The following SLC13A3 variants were observed in gnomAD, a reference collection of about 807,000 sequenced individuals.
SLC13A3 encodes the protein Na(+)/dicarboxylate cotransporter 3.
In SLC13A3, 40 loss-of-function variants were observed where a neutral mutation model predicts 59.0. That is an observed-to-expected ratio of 0.68 (90% CI 0.53 to 0.88). The LOEUF is 0.88. SLC13A3 is among the 40% of genes least tolerant of loss of function. SLC13A3 has a pLI of 0.00. For synonymous variants in SLC13A3, 317 were observed against 330.3 expected (o/e 0.96, Z 0.44); for missense variants, 699 against 783.2 (o/e 0.89, Z 1.28).
Position 46,589,165 on chromosome 20 carries a change from G to A in SLC13A3, c.1011C>T (p.Pro337=), listed in dbSNP as rs1019299997. Residue 337 remains proline, a synonymous_variant, in exon 7 of 13, where the codon CCC becomes CCT. Coordinates refer to ENST00000279027, the MANE Select transcript of SLC13A3 (RefSeq NM_022829.6). ...ACCCAAGGGCCCCCACATACTTGAT[G>A]GGCCCCAGGTTCTGGTATTCTTCCC... is the stretch of plus-strand genomic sequence containing the variant. ...VIREEYQNLG[P]IKFAEQAVFI... is the part of the protein sequence containing the mutation. The A allele has an allele frequency of 3.1e-6, 5 of 1,613,830 alleles. No homozygotes were observed. Among genetic ancestry groups the A allele is most frequent in the Admixed American group, 1.7e-5 (1 of 60,000 alleles).
At chr20:46,659,718 C>CG (rs942977438) in intron 1 of SLC13A3, among the ~76,000 whole-genome samples, 1 of 148,604 alleles carries the variant, frequency 6.7e-6, no homozygotes, top group African/African-American at 2.5e-5. Context: ...CCTATCCCCC[C>CG]CCCCCAAAAA....
chr20:46,643,724 A>G (rs2062867846), intron 1 of SLC13A3, among the ~76,000 whole-genome samples: 1 of 152,308 alleles, frequency 6.6e-6, no homozygotes, highest in Admixed American at 6.5e-5. Flanking sequence ...AGCTGTCAAG[A>G]GATTAAATGA....
At chr20:46,597,218 C>T (rs2062322563) in intron 4 of SLC13A3, among the ~76,000 whole-genome samples, 2 of 151,638 alleles carry the variant, frequency 1.3e-5, no homozygotes, top group African/African-American at 4.8e-5. Flanking sequence ...TTTTCTTGTA[C>T]AGTTAAAGAG....
chr20:46,641,881 T>C (rs1332353546), intron 1 of SLC13A3, among the ~76,000 whole-genome samples: 2 of 152,160 alleles, frequency 1.3e-5, no homozygotes, highest in African/African-American at 2.4e-5. Context: ...CTACCACCTC[T>C]TTTTGAGGGA....
chr20:46,597,875 A>G (rs1018466524), intron 4 of SLC13A3, among the ~76,000 whole-genome samples: 3 of 152,248 alleles, frequency 2.0e-5, no homozygotes, highest in African/African-American at 7.2e-5. Context: ...ATGCAATTGT[A>G]AATTGTTTCT....
chr20:46,642,536 A>C (rs964743438), intron 1 of SLC13A3, among the ~76,000 whole-genome samples: 7 of 152,164 alleles, frequency 4.6e-5, no homozygotes, highest in African/African-American at 1.7e-4. Context: ...GGAAGTCTGC[A>C]TCTAGAGTTG....
intron 1 of SLC13A3, among the ~76,000 whole-genome samples, chr20:46,645,220 C>T (rs571652321): frequency 2.0e-5 from 3 of 152,320 alleles, no homozygotes; most frequent in South Asian, 2.1e-4. Flanking sequence ...CTCAGAAAGC[C>T]GCCTGTGGAT....
rs574702727 is a variant in SLC13A3 at position 46,558,417 on chromosome 20, A to G, written c.*1605T>C. On this transcript the variant is annotated 3_prime_UTR_variant, in exon 13 of 13. Transcript: ENST00000279027. ...ATGTTCAGAAAGGCAAATCATCTCC[A>G]GGTCCAAAGTTGATTAACATTCTTT... is the stretch of plus-strand genomic sequence containing the variant. The G allele has an allele frequency of 3.3e-5, 5 of 152,366 alleles. No homozygotes were observed. The South Asian group carries it at 1.0e-3, about 32-fold the overall frequency. 9.4% of individuals were successfully genotyped at this position (152,366 alleles called of 1,614,324 possible).
intron 3 of SLC13A3, among the ~76,000 whole-genome samples, chr20:46,601,650 C>T (rs1744803336): frequency 6.6e-6 from 1 of 152,188 alleles, no homozygotes; most frequent in South Asian, 2.1e-4. Context: ...GGGAAGGAGC[C>T]AGGCATCCTG....
chr20:46,581,091 G>C (rs547922099), intron 9 of SLC13A3, among the ~76,000 whole-genome samples: 7 of 152,372 alleles, frequency 4.6e-5, no homozygotes, highest in African/African-American at 1.7e-4. Flanking sequence ...GCTGTGCACT[G>C]CTGTGTCAAT....
At chr20:46,619,701 A>G (rs971114951) in intron 1 of SLC13A3, among the ~76,000 whole-genome samples, 4 of 152,152 alleles carry the variant, frequency 2.6e-5, no homozygotes, top group African/African-American at 9.7e-5. Context: ...GGGCCTTTGC[A>G]CATGCTTTTC....
upstream of SLC13A3, among the ~76,000 whole-genome samples, chr20:46,674,588 T>TGCGCGCGCGCGC (rs549666867): frequency 5.8e-4 from 80 of 136,782 alleles, no homozygotes; most frequent in African/African-American, 2.1e-3. Flanking sequence ...AGGTGGGGAG[T>TGCGCGCGCGCGC]GCGCGCGCGC....
chr20:46,683,782 C>T (rs540333770), intron 1 of SLC13A3, among the ~76,000 whole-genome samples: 1 of 152,276 alleles, frequency 6.6e-6, no homozygotes, highest in South Asian at 2.1e-4. Flanking sequence ...GCTTCTCCAC[C>T]GCGTTCCCTG....
chr20:46,575,753 G>A lies in SLC13A3; in HGVS notation c.1220-68C>T, dbSNP rs182746021. 2.5e-4 allele frequency: 230 copies of A among 925,456 alleles called. 1 individual carries two copies. In the East Asian group the frequency reaches 6.1e-3, roughly 25 times the overall value. 57.3% of individuals were successfully genotyped at this position (925,456 alleles called of 1,614,324 possible). A position where few individuals can be genotyped will look rare whatever the true frequency, so the allele number is the denominator to read the frequency against. Reference sequence around the variant, plus strand: ...GCCTGAGGCAGAGGCCACCAGCCCTGAGCCCCATCTTACCGGGGACACTCA... The same window carrying A: ...GCCTGAGGCAGAGGCCACCAGCCCTAAGCCCCATCTTACCGGGGACACTCA... On this transcript the variant is annotated intron_variant, in intron 9 of 12. Transcript: ENST00000279027.
intron 1 of SLC13A3, among the ~76,000 whole-genome samples, chr20:46,649,837 T>G (rs955426740): frequency 3.9e-5 from 6 of 152,166 alleles, no homozygotes; most frequent in African/African-American, 1.4e-4. Flanking sequence ...CTTAGATAAT[T>G]CCACACTAAT....
intron 8 of SLC13A3, chr20:46,584,056 C>T (rs1416700929): frequency 1.0e-6 from 1 of 985,176 alleles, no homozygotes; most frequent in Non-Finnish European, 1.2e-6. Flanking sequence ...TTGAATCCCT[C>T]CTGGGATGGG....
At chr20:46,574,476 C>T (rs1442940512) in intron 10 of SLC13A3, among the ~76,000 whole-genome samples, 2 of 152,212 alleles carry the variant, frequency 1.3e-5, no homozygotes, top group South Asian at 2.1e-4. Flanking sequence ...CGCACTTGCA[C>T]GCCCCGGAGA....
At chr20:46,569,765 GC>G (rs1291883519) in intron 10 of SLC13A3, among the ~76,000 whole-genome samples, 1 of 152,128 alleles carries the variant, frequency 6.6e-6, no homozygotes, top group Non-Finnish European at 1.5e-5. Context: ...AGGCCACCTT[GC>G]AAAAATGGGA....
chr20:46,618,747 C>G (rs1423790564), intron 1 of SLC13A3, among the ~76,000 whole-genome samples: 1 of 152,190 alleles, frequency 6.6e-6, no homozygotes, highest in Non-Finnish European at 1.5e-5. Context: ...ATCACCCAGT[C>G]TAAGGTATTT....
Sources: gnomAD v4.1 joint callset for allele counts (sites outside exome capture counted in the v4.1 genomes callset) on GRCh38, gnomAD v4.1.1 for gene constraint, MANE v1.5 for transcripts, NCBI Gene and HGNC (gene_info 2026-07-23, HGNC 2026-07-21) for gene names.